The following STAB2 variants were observed in gnomAD, a reference collection of about 807,000 sequenced individuals.
The protein encoded by STAB2 is stabilin-2.
A neutral mutation model predicts 338.1 loss-of-function variants in STAB2; 288 were observed. The ratio of observed to expected loss-of-function variants is 0.85; its 90% confidence interval spans 0.77 to 0.94. The LOEUF is 0.94. STAB2 is among the 40% of genes least tolerant of loss of function. The pLI, the probability that STAB2 is intolerant of heterozygous loss-of-function variation, is 0.00. For synonymous variants in STAB2, 1,202 were observed against 1,193.3 expected (o/e 1.01, Z -0.15); for missense variants, 3,141 against 3,210.1 (o/e 0.98, Z 0.52).
intron 3 of STAB2, among the ~76,000 whole-genome samples, chr12:103,617,461 C>G (rs1258433748): frequency 6.6e-6 from 1 of 152,208 alleles, no homozygotes; most frequent in Non-Finnish European, 1.5e-5. Context: ...CTACTACAAC[C>G]TACCTAGAAG....
At chr12:103,685,203 C>A in intron 27 of STAB2, 119 bp downstream of exon 27, 1 of 933,838 alleles carries the variant, frequency 1.1e-6, no homozygotes, top group Non-Finnish European at 1.6e-6. Flanking sequence ...TTACATGAAG[C>A]AAGCTGTTTC....
At chr12:103,759,871 C>T (rs1884410094) in intron 65 of STAB2, among the ~76,000 whole-genome samples, 1 of 152,182 alleles carries the variant, frequency 6.6e-6, no homozygotes, top group Admixed American at 6.5e-5. Context: ...CAAGGGAACC[C>T]TCATATGGAG....
intron 57 of STAB2, 148 bp downstream of exon 57, chr12:103,745,425 C>A: frequency 3.0e-6 from 2 of 674,972 alleles, no homozygotes; most frequent in Non-Finnish European, 4.8e-6. Flanking sequence ...GATCTGTAGC[C>A]CCGGGCCTCA....
At chr12:103,734,528 CATG>C (rs1186762698) in intron 51 of STAB2, among the ~76,000 whole-genome samples, 1 of 152,058 alleles carries the variant, frequency 6.6e-6, no homozygotes, top group East Asian at 1.9e-4. Context: ...TGGGAGCAAA[CATG>C]ATCATATAGG....
chr12:103,746,506 T>G, intron 57 of STAB2, 91 bp from the exon 58 acceptor site: 2 of 1,188,796 alleles, frequency 1.7e-6, no homozygotes, highest in Non-Finnish European at 2.5e-6. Flanking sequence ...AACACAGTGG[T>G]CGTCCAGAGA....
At position 103,612,530 on chromosome 12, in the gene STAB2, G is replaced by A. The variant is rs149239625; in HGVS notation, c.332-7938G>A. 8.7e-3 allele frequency among the ~76,000 whole-genome samples: 1,331 copies of A among 152,280 alleles called. 20 individuals are homozygous for A. Among genetic ancestry groups the A allele is most frequent in the African/African-American group, 0.031 (1,279 of 41,556 alleles). On this transcript the variant is annotated intron_variant, in intron 3 of 68. Coordinates refer to ENST00000388887, the MANE Select transcript of STAB2 (RefSeq NM_017564.10). ...CGTAGTTCTTGTGCCATAGTTTTCA[G>A]CTCCGTCAGGTCCTTTAAGGACTTC...
rs760193884 is a variant in STAB2, at chr12:103,729,000, ATGCCAG to A, written c.5082+7_5082+12del. 1.9e-6 allele frequency: 3 copies of A among 1,613,714 alleles called. No homozygotes were observed. Among genetic ancestry groups the A allele is most frequent in the Admixed American group, 3.3e-5 (2 of 60,006 alleles). On this transcript the variant is annotated splice_donor_region_variant and intron_variant, in intron 48 of 68. Transcript: ENST00000388887. ...ATAGTCATCTCCGTCTCTCAGGTAG[ATGCCAG>A]TTATCCTTAGGTCCTCTCTCCCCTA...
chr12:103,594,406 A>C lies in STAB2; in HGVS notation c.227A>C (p.Glu76Ala). 6.2e-7 allele frequency: 1 copy of C among 1,613,716 alleles called. No individual in the cohort carries two copies. The change falls in exon 3 of 69, where the codon GAG (glutamate) becomes GCG (alanine). Residue 76 changes from glutamate (E) to alanine (A), a missense_variant. Coordinates refer to ENST00000388887, the MANE Select transcript of STAB2 (RefSeq NM_017564.10). ...VGVRDCRYTF[E>A]VRTYSLSLPG... ...CTTTACCCTCCAAGGTACACCTTTGAGGTCAGAACATACTCTCTGTCTCTC... is the reference window on the plus strand; with the variant it reads ...CTTTACCCTCCAAGGTACACCTTTGCGGTCAGAACATACTCTCTGTCTCTC...
At chr12:103,658,536 C>T (rs1874364707) in intron 15 of STAB2, among the ~76,000 whole-genome samples, 1 of 152,140 alleles carries the variant, frequency 6.6e-6, no homozygotes, top group African/African-American at 2.4e-5. Context: ...TGGATTATCT[C>T]ATTGCTAAAT....
chr12:103,672,059 C>T (rs1875849172), intron 22 of STAB2, among the ~76,000 whole-genome samples: 1 of 152,112 alleles, frequency 6.6e-6, no homozygotes, highest in Admixed American at 6.5e-5. Flanking sequence ...TAAATTAGAC[C>T]ATAATTTCGG....
intron 8 of STAB2, among the ~76,000 whole-genome samples, chr12:103,638,556 A>G (rs1033575045): frequency 1.3e-5 from 2 of 152,260 alleles, no homozygotes; most frequent in Admixed American, 6.5e-5. Flanking sequence ...GCAATCCTCC[A>G]TTCTGCAATG....
chr12:103,607,119 A>G (rs1957041396), intron 3 of STAB2, among the ~76,000 whole-genome samples: 1 of 152,112 alleles, frequency 6.6e-6, no homozygotes, highest in Non-Finnish European at 1.5e-5. Context: ...GTTCTAAGGA[A>G]TTTTATTATA....
chr12:103,755,661 C>T lies in STAB2; in HGVS notation c.6930C>T (p.Cys2310=). ...KVGYVGDGFS[C]SGNLLQVLMS... ...GCTATGTGGGAGATGGCTTCTCATG[C>T]AGTGGGAACCTGCTGCAGGTCCTGA... Residue 2310 remains cysteine (C), a synonymous_variant, in exon 63 of 69, where the codon TGC becomes TGT. Transcript: ENST00000388887. The T allele has an allele frequency of 6.2e-7, 1 of 1,614,152 alleles. No homozygotes were observed. Among genetic ancestry groups the T allele is most frequent in the African/African-American group, 1.3e-5 (1 of 75,030 alleles).
At chr12:103,726,798 T>C (rs1422458045) in intron 46 of STAB2, among the ~76,000 whole-genome samples, 2 of 152,174 alleles carry the variant, frequency 1.3e-5, no homozygotes, top group Admixed American at 1.3e-4. Context: ...AAGATTTTAA[T>C]AAAATCATTA....
chr12:103,651,258 T>C (rs1873717994), intron 11 of STAB2, among the ~76,000 whole-genome samples: 1 of 152,106 alleles, frequency 6.6e-6, no homozygotes, highest in South Asian at 2.1e-4. Context: ...ATTCTATATA[T>C]CTTTCTCCCT....
intron 1 of STAB2, among the ~76,000 whole-genome samples, chr12:103,590,145 A>C (rs1956774234): frequency 6.6e-6 from 1 of 152,326 alleles, no homozygotes; most frequent in South Asian, 2.1e-4. Context: ...GATCCTAAAG[A>C]GTGCCAAATT....
At chr12:103,604,637 G>A (rs1201327425) in intron 3 of STAB2, among the ~76,000 whole-genome samples, 1 of 151,652 alleles carries the variant, frequency 6.6e-6, no homozygotes, top group Non-Finnish European at 1.5e-5. Context: ...CAAATTTATT[G>A]GCATAAACTT....
At chr12:103,735,922 C>T (rs1306101631) in intron 52 of STAB2, among the ~76,000 whole-genome samples, 3 of 152,104 alleles carry the variant, frequency 2.0e-5, no homozygotes, top group Non-Finnish European at 4.4e-5. Flanking sequence ...CTTTCTCTTC[C>T]TTCCCAGCCC....
In STAB2 at chr12:103,725,099, C is replaced by T. The variant is rs756554177; in HGVS notation, c.4803+5C>T. 99 of 1,609,000 alleles carry T rather than the reference C, an allele frequency of 6.2e-5. 1 individual carries two copies. Among genetic ancestry groups the T allele is most frequent in the South Asian group, 5.6e-4 (51 of 90,838 alleles). On this transcript the variant is annotated splice_donor_5th_base_variant and intron_variant, in intron 45 of 68. Coordinates refer to ENST00000388887, the MANE Select transcript of STAB2 (RefSeq NM_017564.10). Reference sequence around the variant, plus strand: ...TGCCGCGGCAGCATTTATCAGGTAACGCGAGACATGTTTCCATCAAGTAAA... The same window carrying T: ...TGCCGCGGCAGCATTTATCAGGTAATGCGAGACATGTTTCCATCAAGTAAA...
Sources: gnomAD v4.1 joint callset for allele counts (sites outside exome capture counted in the v4.1 genomes callset) on GRCh38, gnomAD v4.1.1 for gene constraint, MANE v1.5 for transcripts, NCBI Gene and HGNC (gene_info 2026-07-23, HGNC 2026-07-21) for gene names.